PRSS23: variants seen among roughly 807,000 people sequenced by gnomAD.
PRSS23 encodes protease, serine 23.
A neutral mutation model predicts 34.7 loss-of-function variants in PRSS23; 25 were observed. The observed-to-expected ratio is 0.72, with a 90% confidence interval of 0.53 to 1.01. The LOEUF (loss-of-function observed/expected upper bound fraction) is 1.01, where lower values mean the gene tolerates loss of function less well. Ranked by LOEUF, PRSS23 falls within the 50% of genes least tolerant of loss-of-function variation. The pLI is 0.00. For synonymous variants in PRSS23, 176 were observed against 186.6 expected, an observed-to-expected ratio of 0.94 and a Z score of 0.46; for missense variants, 445 against 475.6, an observed-to-expected ratio of 0.94 and a Z score of 0.60.
chr11:86,826,065 T>G (rs1948298102), intron 2 of PRSS23, among the ~76,000 whole-genome samples: 1 of 152,190 alleles, frequency 6.6e-6, no homozygotes, highest in South Asian at 2.1e-4. Flanking sequence ...ATAAATTACC[T>G]TGGGCCGTAT....
intron 2 of PRSS23, chr11:86,911,951 T>TG (rs1197898246): frequency 1.3e-5 from 2 of 152,200 alleles, no homozygotes; most frequent in Non-Finnish European, 2.9e-5. Flanking sequence ...CTAATTTTTT[T>TG]ATTTTTGCAG....
chr11:86,880,598 A>G (rs1202184979), intron 2 of PRSS23, among the ~76,000 whole-genome samples: 1 of 152,112 alleles, frequency 6.6e-6, no homozygotes, highest in African/African-American at 2.4e-5. Context: ...CCCATCATCT[A>G]GGTTTCAAGC....
chr11:86,810,111 C>G lies in PRSS23; in HGVS notation c.*1316C>G, dbSNP rs1037031540. ...TCATGCCTTCCAATAAAGGCCTTTA[C>G]ACATGTTTTATCAATATGATTATCA... On this transcript the variant is annotated 3_prime_UTR_variant, in exon 2 of 2. Transcript: ENST00000280258. The G allele has an allele frequency of 6.0e-6, 1 of 165,806 alleles. No individual in the cohort carries two copies. 10.3% of individuals were successfully genotyped at this position (165,806 alleles called of 1,614,324 possible).
chr11:86,838,075 T>C (rs1590887572), intron 2 of PRSS23, among the ~76,000 whole-genome samples: 1 of 144,896 alleles, frequency 6.9e-6, no homozygotes, highest in African/African-American at 2.7e-5. Context: ...GGTACACTCT[T>C]TTTTTTTTTT....
chr11:86,928,899 T>C (rs546835176), intron 2 of PRSS23, among the ~76,000 whole-genome samples: 17 of 151,846 alleles, frequency 1.1e-4, no homozygotes, highest in Non-Finnish European at 2.2e-4. Context: ...TGAAATAATG[T>C]TTTTCTGCTC....
chr11:86,863,919 C>T (rs1948632520), intron 2 of PRSS23, among the ~76,000 whole-genome samples: 1 of 152,168 alleles, frequency 6.6e-6, no homozygotes. Context: ...GAAGGGGTTA[C>T]CTTCTAAATA....
chr11:86,875,549 A>G (rs1158818871), intron 2 of PRSS23, among the ~76,000 whole-genome samples: 3 of 152,212 alleles, frequency 2.0e-5, no homozygotes, highest in African/African-American at 7.2e-5. Flanking sequence ...TCTATGGCAT[A>G]AAGTCCTTTC....
At chr11:86,877,215 T>G (rs1948730750) in intron 2 of PRSS23, among the ~76,000 whole-genome samples, 1 of 142,038 alleles carries the variant, frequency 7.0e-6, no homozygotes, top group South Asian at 2.3e-4. Context: ...TGTGAGCTCC[T>G]TGGGGGTCAA....
chr11:86,828,837 G>T (rs1325738967), intron 2 of PRSS23, among the ~76,000 whole-genome samples: 1 of 152,158 alleles, frequency 6.6e-6, no homozygotes, highest in Non-Finnish European at 1.5e-5. Context: ...CTCTCTTCTG[G>T]CTTGTAGAGT....
chr11:86,860,538 A>G (rs549484784), intron 2 of PRSS23, among the ~76,000 whole-genome samples: 1 of 152,100 alleles, frequency 6.6e-6, no homozygotes, highest in East Asian at 1.9e-4. Flanking sequence ...ATTGTTCGTA[A>G]TATCCAGGGA....
At chr11:86,870,461 G>T (rs931154169) in intron 2 of PRSS23, among the ~76,000 whole-genome samples, 2 of 152,176 alleles carry the variant, frequency 1.3e-5, no homozygotes, top group African/African-American at 4.8e-5. Context: ...TGGCAGAGAT[G>T]GGGGTGAGCT....
chr11:86,823,479 T>C (rs1020457753), exon 2 of PRSS23: 4 of 702,448 alleles, frequency 5.7e-6, no homozygotes, highest in Non-Finnish European at 1.0e-5. Context: ...TCGAATTCAA[T>C]TCAACCACCA....
At chr11:86,930,258 T>C (rs1047247877) in intron 2 of PRSS23, among the ~76,000 whole-genome samples, 16 of 151,948 alleles carry the variant, frequency 1.1e-4, no homozygotes, top group South Asian at 4.1e-4. Context: ...TGACAGAATA[T>C]CTTTTTAGAA....
At chr11:86,857,169 G>T (rs1346623762) in intron 2 of PRSS23, 2 of 351,516 alleles carry the variant, frequency 5.7e-6, no homozygotes, top group Non-Finnish European at 5.3e-6. Context: ...TGACCACAGC[G>T]TACATCACTG....
At chr11:86,890,858 C>G (rs1246622539) in intron 2 of PRSS23, among the ~76,000 whole-genome samples, 2 of 152,184 alleles carry the variant, frequency 1.3e-5, no homozygotes, top group Admixed American at 1.3e-4. Context: ...CTTAATAAAA[C>G]CCCTTATCTT....
intron 2 of PRSS23, among the ~76,000 whole-genome samples, chr11:86,913,188 T>G (rs1466408279): frequency 6.6e-6 from 1 of 151,614 alleles, no homozygotes; most frequent in Non-Finnish European, 1.5e-5. Context: ...CCCTGAATGC[T>G]TCCCTCTTAT....
At chr11:86,868,244 T>C (rs900950282) in intron 2 of PRSS23, among the ~76,000 whole-genome samples, 14 of 152,180 alleles carry the variant, frequency 9.2e-5, no homozygotes, top group Non-Finnish European at 1.9e-4. Context: ...AAAGAAGCAC[T>C]GACCATTCTC....
At chr11:86,879,602 T>C (rs1316081900) in intron 2 of PRSS23, among the ~76,000 whole-genome samples, 1 of 123,122 alleles carries the variant, frequency 8.1e-6, no homozygotes, top group Non-Finnish European at 1.7e-5. Flanking sequence ...GAGGGGCGCC[T>C]CTGCCCGGCC....
intron 2 of PRSS23, chr11:86,949,668 T>C (rs1424977247): frequency 6.6e-6 from 1 of 152,668 alleles, no homozygotes; most frequent in African/African-American, 2.4e-5. Flanking sequence ...AACGTATGCA[T>C]AAATTTTAAA....
Sources: gnomAD v4.1 joint callset for allele counts (sites outside exome capture counted in the v4.1 genomes callset) on GRCh38, gnomAD v4.1.1 for gene constraint, MANE v1.5 for transcripts, NCBI Gene and HGNC (gene_info 2026-07-23, HGNC 2026-07-21) for gene names.